JCAD: variants seen among roughly 807,000 people sequenced by gnomAD.
JCAD encodes junctional cadherin 5 associated.
A neutral mutation model predicts 98.0 loss-of-function variants in JCAD; 40 were observed. That is an observed-to-expected ratio of 0.41 (90% CI 0.32 to 0.53). The LOEUF is 0.53. Among genes scored for constraint, JCAD ranks in the 20% least tolerant of loss-of-function variants. The probability of loss-of-function intolerance (pLI) is 0.31; values close to 1 mark genes in which losing one functional copy is unlikely to be tolerated. For missense variants in JCAD, 1,705 were observed against 1,738.1 expected (o/e 0.98, Z 0.34); for synonymous variants, 691 against 682.3 (o/e 1.01, Z -0.20).
intron 2 of JCAD, among the ~76,000 whole-genome samples, chr10:30,034,964 T>C (rs1404066625): frequency 6.6e-6 from 1 of 152,194 alleles, no homozygotes; most frequent in Non-Finnish European, 1.5e-5. Context: ...TGAAGCACCG[T>C]TCTCATTCCT....
intron 1 of JCAD, among the ~76,000 whole-genome samples, chr10:30,094,125 C>T (rs1838330380): frequency 6.6e-6 from 1 of 152,104 alleles, no homozygotes. Flanking sequence ...ATTGTCATTG[C>T]TTTGTTAAGT....
chr10:30,108,034 C>T (rs536411368), intron 1 of JCAD, among the ~76,000 whole-genome samples: 15 of 152,090 alleles, frequency 9.9e-5, no homozygotes, highest in South Asian at 2.1e-4. Flanking sequence ...TGATGGTGGC[C>T]GGGTGCGGTG....
At chr10:30,112,809 T>TTGCAG (rs1440816652) in intron 1 of JCAD, among the ~76,000 whole-genome samples, 1 of 149,944 alleles carries the variant, frequency 6.7e-6, no homozygotes, top group Non-Finnish European at 1.5e-5. Flanking sequence ...GAGGCAGAGG[T>TTGCAG]TGCAGTGAGC....
intron 3 of JCAD, among the ~76,000 whole-genome samples, chr10:30,025,517 C>G (rs1229254348): frequency 1.2e-5 from 1 of 86,668 alleles, no homozygotes; most frequent in Non-Finnish European, 2.0e-5. Context: ...GACTCTGTCT[C>G]AAAAAGAAAA....
intron 1 of JCAD, among the ~76,000 whole-genome samples, chr10:30,082,791 C>T (rs532697990): frequency 4.4e-4 from 57 of 130,852 alleles, no homozygotes; most frequent in South Asian, 2.9e-3. Flanking sequence ...GTGGAGGTTG[C>T]GGTGAGCCAA....
chr10:30,097,819 C>G (rs1379026845), intron 1 of JCAD, among the ~76,000 whole-genome samples: 4 of 151,906 alleles, frequency 2.6e-5, no homozygotes, highest in Non-Finnish European at 5.9e-5. Flanking sequence ...ATGGCAGCAC[C>G]CTCCAGAAAT....
rs751430029 is a variant in JCAD, at chr10:30,027,673, G to A, written c.2475C>T (p.Ser825=). 6.2e-7 allele frequency: 1 copy of A among 1,614,260 alleles called. No individual in the cohort carries two copies. The highest frequency in any genetic ancestry group is 8.5e-7 in the Non-Finnish European group (1 of 1,180,046). Residue 825 remains serine (S), a synonymous_variant, in exon 3 of 4, where the codon AGC becomes AGT. Transcript: ENST00000375377. ...GACTGATCAAATCCCAGGGACGACG[G>A]CTGACCGGTTTCAGGAGAAACTGCC... The part of the protein sequence containing the change: ...LFGQFLLKPV[S]RRPWDLISQL...
intron 2 of JCAD, among the ~76,000 whole-genome samples, chr10:30,038,450 G>C (rs1837166926): frequency 6.6e-6 from 1 of 152,012 alleles, no homozygotes; most frequent in South Asian, 2.1e-4. Context: ...TTGAGACGCT[G>C]AGGTAGGAGG....
At chr10:30,106,904 A>AGCT (rs1838594381) in intron 1 of JCAD, among the ~76,000 whole-genome samples, 1 of 152,188 alleles carries the variant, frequency 6.6e-6, no homozygotes, top group Non-Finnish European at 1.5e-5. Flanking sequence ...GAAGGCTGCC[A>AGCT]GCTCAAATGT....
chr10:30,035,024 C>T (rs947361293), intron 2 of JCAD, among the ~76,000 whole-genome samples: 5 of 152,118 alleles, frequency 3.3e-5, no homozygotes, highest in East Asian at 1.9e-4. Context: ...GGGAGGAAAC[C>T]GTACCGTGTG....
chr10:30,102,028 T>C (rs1369677338), intron 1 of JCAD, among the ~76,000 whole-genome samples: 3 of 152,184 alleles, frequency 2.0e-5, no homozygotes, highest in Non-Finnish European at 4.4e-5. Context: ...AAGCTAGTAC[T>C]CTACCCTTCA....
chr10:30,104,560 TG>T (rs981435725), intron 1 of JCAD, among the ~76,000 whole-genome samples: 4 of 152,098 alleles, frequency 2.6e-5, no homozygotes, highest in Admixed American at 2.6e-4. Flanking sequence ...ATAGACACAC[TG>T]GGGACCACTA....
intron 1 of JCAD, among the ~76,000 whole-genome samples, chr10:30,112,640 C>T (rs75552706): frequency 0.031 from 4,656 of 151,732 alleles, 202 homozygotes; most frequent in East Asian, 0.2. Context: ...TGGAAGCCGA[C>T]ATGGGTGGAT....
chr10:30,018,860 CA>C (rs1291582702), intron 3 of JCAD, among the ~76,000 whole-genome samples: 1 of 151,898 alleles, frequency 6.6e-6, no homozygotes, highest in African/African-American at 2.4e-5. Flanking sequence ...GGAAGTTCCT[CA>C]AAAAAATTAA....
intron 1 of JCAD, among the ~76,000 whole-genome samples, chr10:30,114,761 C>T (rs1838762856): frequency 6.6e-6 from 1 of 151,254 alleles, no homozygotes; most frequent in African/African-American, 2.4e-5. Flanking sequence ...CTTAGAAAGT[C>T]ATGAGTTTAA....
intron 1 of JCAD, among the ~76,000 whole-genome samples, chr10:30,071,014 T>C (rs1437891245): frequency 6.6e-6 from 1 of 152,186 alleles, no homozygotes; most frequent in Non-Finnish European, 1.5e-5. Flanking sequence ...CAAGCAATTA[T>C]CCTGCTCAGC....
intron 1 of JCAD, among the ~76,000 whole-genome samples, chr10:30,085,758 CGTCATGACTTA>C (rs1838157493): frequency 6.6e-6 from 1 of 152,154 alleles, no homozygotes. Flanking sequence ...TTCTAGCATC[CGTCATGACTTA>C]GTTACCTATT....
At position 30,038,544 on chromosome 10, in the gene JCAD, G is replaced by A. The variant is rs568108822; in HGVS notation, c.282-8678C>T. Reference sequence around the variant, plus strand: ...ACAAAAAATTTAAAAAGAAAAATTAGCTAGATGTGGTGGTGAGTGCCTGTG... The same window carrying A: ...ACAAAAAATTTAAAAAGAAAAATTAACTAGATGTGGTGGTGAGTGCCTGTG... On this transcript the variant is annotated intron_variant, in intron 2 of 3. Transcript: ENST00000375377. Among the ~76,000 whole-genome samples, 10 of 152,060 alleles carry A rather than the reference G, an allele frequency of 6.6e-5. No homozygotes were observed. In the South Asian group the frequency reaches 2.1e-3, roughly 32 times the overall value.
Position 30,047,679 on chromosome 10 carries a change from T to C in JCAD, c.134A>G (p.Asn45Ser), listed in dbSNP as rs375601700. 9 of 1,614,076 alleles carry C rather than the reference T, an allele frequency of 5.6e-6. No individual in the cohort carries two copies. The highest frequency in any genetic ancestry group is 4.0e-5 in the African/African-American group (3 of 74,946). Residue 45 changes from asparagine (N) to serine (S), a missense_variant, in exon 2 of 4, where the codon AAC (asparagine) becomes AGC (serine). By Grantham distance (46) the Asn-to-Ser change is conservative. Around this residue, in one of 3 missense-constraint regions of JCAD, gnomAD observed 152 missense variants for 148.0 expected, o/e 1.03. Transcript: ENST00000375377. ...TGTRAGQGLQNGHEDGPAALA... is the reference protein window; with the variant it reads ...TGTRAGQGLQSGHEDGPAALA... ...GGCCGCAGGGCCATCCTCATGCCCG[T>C]TCTGCAGGCCCTGGCCTGCTCGTGT...
Sources: gnomAD v4.1 joint callset for allele counts (sites outside exome capture counted in the v4.1 genomes callset) on GRCh38, gnomAD v4.1.1 for gene constraint, gnomAD v4.1.1 regional missense constraint, MANE v1.5 for transcripts, NCBI Gene and HGNC (gene_info 2026-07-23, HGNC 2026-07-21) for gene names.